SH3D21: variants seen among roughly 807,000 people sequenced by gnomAD.
SH3D21 encodes the protein SH3 domain-containing protein 21.
Under a neutral mutation model 82.1 loss-of-function variants are expected in SH3D21, and 83 were observed. The ratio of observed to expected loss-of-function variants is 1.01; its 90% CI spans 0.85 to 1.21. The LOEUF (loss-of-function observed/expected upper bound fraction) is 1.21, where lower values mean the gene tolerates loss of function less well. Among genes scored for constraint, SH3D21 ranks in the 50% most tolerant of loss-of-function variants. The probability of loss-of-function intolerance (pLI) is 0.00; values close to 1 mark genes in which losing one functional copy is unlikely to be tolerated. For missense variants in SH3D21, 980 were observed against 962.1 expected, an observed-to-expected ratio of 1.02 and a Z score of -0.25; for synonymous variants, 383 against 387.8, an observed-to-expected ratio of 0.99 and a Z score of 0.15.
chr1:36,308,168 T>C lies in SH3D21; in HGVS notation c.598T>C (p.Leu200=), dbSNP rs1390833308. 3 of 1,548,844 alleles carry C rather than the reference T, an allele frequency of 1.9e-6. No homozygotes were observed. The highest frequency in any genetic ancestry group is 2.4e-5 in the South Asian group (2 of 83,654). Residue 200 remains leucine (L), a synonymous_variant, in exon 8 of 16, where the codon TTG becomes CTG. Coordinates refer to ENST00000453908, the MANE Select transcript of SH3D21 (RefSeq NM_001162530.2). ...FDYQPEAPDE[L]ALRRGDVVKV... is the part of the protein sequence containing the mutation. ...CTACCAGCCTGAGGCCCCAGACGAG[T>C]TGGCGCTGCGGAGGGGGGACGTGGT...
In SH3D21 at chr1:36,307,601, C is replaced by T. The variant is rs1369384140; in HGVS notation, c.430C>T (p.Pro144Ser). 9 of 1,551,492 alleles carry T rather than the reference C, an allele frequency of 5.8e-6. No individual in the cohort carries two copies. The highest frequency in any genetic ancestry group is 4.9e-5 in the East Asian group (2 of 40,918). Reference protein sequence around the residue: ...SNFVELLDSGPPSLGNPDMPS... With the variant: ...SNFVELLDSGSPSLGNPDMPS... The stretch of plus-strand genomic sequence containing the variant: ...CTTTGTGGAATTGCTGGACAGTGGG[C>T]CCCCAAGTGAGACCTCGACTCTGTG... Residue 144 changes from proline (P) to serine (S), a missense_variant, in exon 5 of 16, where the codon CCC becomes TCC. By Grantham distance (74) the Pro-to-Ser change is moderately conservative (BLOSUM62 -1). Transcript: ENST00000453908. The surrounding 1 kb of genome is among the most constrained non-coding windows in gnomAD (Gnocchi z 5.4).
chr1:36,309,079 G>A (rs1268037384), intron 9 of SH3D21, among the ~76,000 whole-genome samples: 1 of 152,052 alleles, frequency 6.6e-6, no homozygotes, highest in African/African-American at 2.4e-5. Context: ...TAATAATTTT[G>A]TGCATGAAAC....
At position 36,307,651 on chromosome 1, in the gene SH3D21, G is replaced by C. The variant is rs747247630; in HGVS notation, c.436+44G>C. The C allele has an allele frequency of 1.6e-5, 25 of 1,546,844 alleles. No individual in the cohort carries two copies. In the South Asian group the frequency reaches 2.9e-4, roughly 18 times the overall value. On this transcript the variant is annotated intron_variant, in intron 5 of 15. Coordinates refer to ENST00000453908, the MANE Select transcript of SH3D21 (RefSeq NM_001162530.2). This position sits in a 1 kb window ranked among gnomAD's most constrained non-coding sequence, Gnocchi z 5.4. ...GACCCTGTGACTCGCAATCTCCAATGACCCTCCCAGTGGCATGAGCCTGTG... is the reference window on the plus strand; with the variant it reads ...GACCCTGTGACTCGCAATCTCCAATCACCCTCCCAGTGGCATGAGCCTGTG...
downstream of SH3D21, chr1:36,322,414 C>T: frequency 6.2e-7 from 1 of 1,601,670 alleles, no homozygotes; most frequent in Non-Finnish European, 8.5e-7. Flanking sequence ...CGTTCGCGCT[C>T]CTCCAGCCGC....
rs998016576 is a variant in SH3D21, at chr1:36,319,053, C to T, written c.770-18C>T. ...AGCGACTGTCAGATGGATGAGTGCT[C>T]CACTCCTCTCTTCCCAGCTCCTATT... On this transcript the variant is annotated intron_variant, in intron 10 of 15. Transcript: ENST00000453908. 7.0e-6 allele frequency: 10 copies of T among 1,429,398 alleles called. No individual in the cohort carries two copies. In the African/African-American group the frequency reaches 1.1e-4, roughly 16 times the overall value. 88.5% of individuals were successfully genotyped at this position (1,429,398 alleles called of 1,614,324 possible).
Position 36,319,545 on chromosome 1 carries a change from C to T in SH3D21, c.1011+9C>T, listed in dbSNP as rs1470497764. 5.8e-6 allele frequency: 9 copies of T among 1,551,516 alleles called. No individual in the cohort carries two copies. Among genetic ancestry groups the T allele is most frequent in the Admixed American group, 3.9e-5 (2 of 50,956 alleles). ...GCTCTGTGTCCAGTCAGGTGAGGGG[C>T]GGGAGACATGGGAGAGTGGGGATGC... On this transcript the variant is annotated intron_variant, in intron 13 of 15. Coordinates refer to ENST00000453908, the MANE Select transcript of SH3D21 (RefSeq NM_001162530.2).
At position 36,307,101 on chromosome 1, in the gene SH3D21, G is replaced by A. The variant is rs2124668781; in HGVS notation, c.227-66G>A. The A allele has an allele frequency of 4.5e-6, 7 of 1,543,136 alleles. No individual in the cohort carries two copies. Among genetic ancestry groups the A allele is most frequent in the Non-Finnish European group, 6.1e-6 (7 of 1,142,142 alleles). ...GGACCAAAGGCTACGTGCGCGCCTT[G>A]CGCTTCCCCCAGCTCCTCTGACTGG... is the stretch of plus-strand genomic sequence containing the variant. On this transcript the variant is annotated intron_variant, in intron 3 of 15. Transcript: ENST00000453908. This position sits in a 1 kb window ranked among gnomAD's most constrained non-coding sequence, Gnocchi z 5.4.
intron 10 of SH3D21, among the ~76,000 whole-genome samples, chr1:36,317,473 G>A (rs537588930): frequency 6.6e-6 from 1 of 152,296 alleles, no homozygotes; most frequent in South Asian, 2.1e-4. Flanking sequence ...GTCACTGTGT[G>A]TAACTGCCTT....
In SH3D21 at chr1:36,308,722, G is replaced by A. The variant is rs931723642; in HGVS notation, c.726+247G>A. ...ATAGCTGCCGGGTACGGTGGCTCACGCCTGTAATCCCAGCACTTTTGGGAG... is the reference window on the plus strand; with the variant it reads ...ATAGCTGCCGGGTACGGTGGCTCACACCTGTAATCCCAGCACTTTTGGGAG... On this transcript the variant is annotated intron_variant, in intron 9 of 15. Transcript: ENST00000453908. Among the ~76,000 whole-genome samples the A allele has an allele frequency of 5.3e-5, 8 of 152,108 alleles. No homozygotes were observed. In the South Asian group the frequency reaches 6.2e-4, roughly 12 times the overall value.
rs151096090 is a variant in SH3D21 at position 36,312,319 on chromosome 1, G to A, written c.769+2729G>A. On this transcript the variant is annotated intron_variant, in intron 10 of 15. Transcript: ENST00000453908. ...ATTACAGGCGTGAGCCACCGCACAC[G>A]GCCATAAGACCATAATTTTCATAAG... 4.0e-3 allele frequency among the ~76,000 whole-genome samples: 605 copies of A among 152,262 alleles called. 6 individuals are homozygous for A. Among genetic ancestry groups the A allele is most frequent in the African/African-American group, 0.014 (573 of 41,548 alleles).
At position 36,319,844 on chromosome 1, in the gene SH3D21, A is replaced by T. The variant is rs1241245655; in HGVS notation, c.1181A>T (p.Asp394Val). 6.2e-7 allele frequency: 1 copy of T among 1,613,872 alleles called. No homozygotes were observed. The highest frequency in any genetic ancestry group is 2.2e-5 in the East Asian group (1 of 44,878). The change falls in exon 14 of 16, where the codon GAC (aspartate) becomes GTC (valine). Residue 394 changes from aspartate to valine, a missense_variant. Transcript: ENST00000453908. ...PSPEKTLTLGDKASIPGNSTS... is the reference protein window; with the variant it reads ...PSPEKTLTLGVKASIPGNSTS... ...CCAGAGAAGACCCTCACTCTAGGGG[A>T]CAAGGCCTCTATCCCAGGGAACTCC... is the stretch of plus-strand genomic sequence containing the variant.
rs187887959 is a variant in SH3D21 at position 36,307,111 on chromosome 1, C to A, written c.227-56C>A. 731 of 1,546,870 alleles carry A rather than the reference C, an allele frequency of 4.7e-4. 4 individuals are homozygous for A. The African/African-American group carries it at 9.2e-3, about 19-fold the overall frequency. On this transcript the variant is annotated intron_variant, in intron 3 of 15. Coordinates refer to ENST00000453908, the MANE Select transcript of SH3D21 (RefSeq NM_001162530.2). This position sits in a 1 kb window ranked among gnomAD's most constrained non-coding sequence, Gnocchi z 5.4. ...CTACGTGCGCGCCTTGCGCTTCCCCCAGCTCCTCTGACTGGGGCGTCCGAC... is the reference window on the plus strand; with the variant it reads ...CTACGTGCGCGCCTTGCGCTTCCCCAAGCTCCTCTGACTGGGGCGTCCGAC...
chr1:36,307,688 C>A lies in SH3D21; in HGVS notation c.436+81C>A. On this transcript the variant is annotated intron_variant, in intron 5 of 15. Transcript: ENST00000453908. The surrounding 1 kb of genome is among the most constrained non-coding windows in gnomAD (Gnocchi z 5.4). ...GGCATGAGCCTGTGATTCACATATC[C>A]TGACCCTGTGACCCCTCTGACCCTC... 6.5e-7 allele frequency: 1 copy of A among 1,539,548 alleles called. No individual in the cohort carries two copies. Among genetic ancestry groups the A allele is most frequent in the Non-Finnish European group, 8.8e-7 (1 of 1,138,332 alleles).
intron 8 of SH3D21, 46 bp from the exon 9 acceptor site, chr1:36,308,343 C>T: frequency 6.5e-7 from 1 of 1,536,412 alleles, no homozygotes; most frequent in African/African-American, 1.4e-5. Context: ...CGGAAAGGAC[C>T]TTGGGGGACC....
At chr1:36,327,034 C>T (rs953389498), downstream of SH3D21, among the ~76,000 whole-genome samples, 4 of 152,016 alleles carry the variant, frequency 2.6e-5, no homozygotes, top group Non-Finnish European at 4.4e-5. Context: ...TGGATGAGAC[C>T]GAACATCTGG....
At position 36,321,006 on chromosome 1, in the gene SH3D21, G is replaced by A; in HGVS notation, c.2199+28G>A. 1.3e-6 allele frequency: 2 copies of A among 1,576,746 alleles called. No individual in the cohort carries two copies. The highest frequency in any genetic ancestry group is 8.6e-7 in the Non-Finnish European group (1 of 1,162,008). ...GAGGCGCGGGTCCCGGCGGGAGGGG[G>A]CTGACGGCGAGTGGCCCCCTGACAA... On this transcript the variant is annotated intron_variant, in intron 15 of 15. Coordinates refer to ENST00000453908, the MANE Select transcript of SH3D21 (RefSeq NM_001162530.2). This position sits in a 1 kb window ranked among gnomAD's most constrained non-coding sequence, Gnocchi z 6.1.
At position 36,320,312 on chromosome 1, in the gene SH3D21, T is replaced by G. The variant is rs368154882; in HGVS notation, c.1649T>G (p.Met550Arg). The G allele has an allele frequency of 1.2e-6, 2 of 1,612,744 alleles. No individual in the cohort carries two copies. Among genetic ancestry groups the G allele is most frequent in the East Asian group, 4.5e-5 (2 of 44,848 alleles). The change falls in exon 14 of 16, where the codon ATG becomes AGG. Residue 550 changes from methionine to arginine, a missense_variant. By Grantham distance (91) the Met-to-Arg change is moderately conservative. Coordinates refer to ENST00000453908, the MANE Select transcript of SH3D21 (RefSeq NM_001162530.2). ...TCCTCAGAGAGGTGCCTGGGAGAGA[T>G]GAAATGTACCCTAGTTAGAGGGGAC... is the stretch of plus-strand genomic sequence containing the variant. ...PPSSERCLGE[M>R]KCTLVRGDSS...
At chr1:36,322,620 C>T (rs1430162397), downstream of SH3D21, 2 of 1,546,608 alleles carry the variant, frequency 1.3e-6, no homozygotes, top group South Asian at 1.2e-5. Context: ...GCCCCGGGGC[C>T]GCGGGCGGGG....
Position 36,321,206 on chromosome 1 carries a change from G to C in SH3D21, c.*79G>C. 3 of 1,547,612 alleles carry C rather than the reference G, an allele frequency of 1.9e-6. No homozygotes were observed. The highest frequency in any genetic ancestry group is 2.6e-6 in the Non-Finnish European group (3 of 1,146,808). On this transcript the variant is annotated 3_prime_UTR_variant, in exon 16 of 16. Coordinates refer to ENST00000453908, the MANE Select transcript of SH3D21 (RefSeq NM_001162530.2). The surrounding 1 kb of genome is among the most constrained non-coding windows in gnomAD (Gnocchi z 6.1). ...TTGCACACGACTTTGGGAAACGCGA[G>C]AAAGTAAACTCTGCCTAGCACGGCG...
Sources: gnomAD v4.1 joint callset for allele counts (sites outside exome capture counted in the v4.1 genomes callset) on GRCh38, gnomAD v4.1.1 for gene constraint, Gnocchi (gnomAD v3.1) non-coding constraint, MANE v1.5 for transcripts, NCBI Gene and HGNC (gene_info 2026-07-23, HGNC 2026-07-21) for gene names.